The following LOXHD1 variants were observed in gnomAD, a reference collection of about 807,000 sequenced individuals.
LOXHD1 encodes lipoxygenase homology PLAT domains 1.
In LOXHD1, 205 loss-of-function variants were observed where a neutral mutation model predicts 248.2. That is an observed-to-expected ratio of 0.83 (90% CI 0.74 to 0.93). The LOEUF is 0.93. Among genes scored for constraint, LOXHD1 ranks in the 40% least tolerant of loss-of-function variants. The probability of loss-of-function intolerance (pLI) is 0.00; values close to 1 mark genes in which losing one functional copy is unlikely to be tolerated. For missense variants in LOXHD1, 2,930 were observed against 2,971.6 expected, an observed-to-expected ratio of 0.99 and a Z score of 0.33; for synonymous variants, 1,113 against 1,162.8, an observed-to-expected ratio of 0.96 and a Z score of 0.87.
intron 31 of LOXHD1, 67 bp downstream of exon 31, chr18:46,524,399 C>G (rs906913322): frequency 6.6e-7 from 1 of 1,519,552 alleles, no homozygotes; most frequent in African/African-American, 1.4e-5. Context: ...AATGGCTCAT[C>G]CAAGAATTGC....
chr18:46,586,603 G>A (rs1412178629), intron 12 of LOXHD1, among the ~76,000 whole-genome samples: 1 of 109,756 alleles, frequency 9.1e-6, no homozygotes, highest in Non-Finnish European at 2.0e-5. Context: ...CTGCGACCAT[G>A]CCTGGCTAAT....
chr18:46,597,204 A>G (rs573020538), intron 8 of LOXHD1, among the ~76,000 whole-genome samples: 37 of 152,356 alleles, frequency 2.4e-4, no homozygotes, highest in African/African-American at 8.7e-4. Context: ...AAAGATATCA[A>G]TTACATTTAG....
intron 6 of LOXHD1, 144 bp from the exon 7 acceptor site, chr18:46,604,373 G>T: frequency 9.0e-7 from 1 of 1,114,186 alleles, no homozygotes; most frequent in Non-Finnish European, 1.3e-6. Flanking sequence ...CTTATCACAA[G>T]GACACAACTG....
At chr18:46,629,968 C>T (rs1442843663) in intron 4 of LOXHD1, among the ~76,000 whole-genome samples, 2 of 152,118 alleles carry the variant, frequency 1.3e-5, no homozygotes, top group African/African-American at 4.8e-5. Context: ...ATCAGCCTCT[C>T]TTCTCTTTGA....
intron 6 of LOXHD1, among the ~76,000 whole-genome samples, chr18:46,607,184 A>G (rs143189868): frequency 1.3e-4 from 20 of 151,748 alleles, no homozygotes; most frequent in African/African-American, 3.1e-4. Flanking sequence ...AAAAAAAATT[A>G]TATTGTAAAA....
rs753288300 is a variant in LOXHD1, at chr18:46,650,377, A to G, written c.131-1108T>C. ...GGAGGGTGTTTTAAATATTTGGGGC[A>G]TATGATCTATGTCCACCACATCACT... On this transcript the variant is annotated intron_variant, in intron 1 of 40. Coordinates refer to ENST00000642948, the MANE Select transcript of LOXHD1 (RefSeq NM_001384474.1). 3.9e-5 allele frequency among the ~76,000 whole-genome samples: 6 copies of G among 152,330 alleles called. No individual in the cohort carries two copies. The East Asian group carries it at 7.7e-4, about 20-fold the overall frequency.
intron 16 of LOXHD1, among the ~76,000 whole-genome samples, chr18:46,569,098 G>A (rs989459436): frequency 1.5e-4 from 4 of 27,490 alleles, no homozygotes; most frequent in Admixed American, 1.4e-3. Flanking sequence ...CCTGCGTTCA[G>A]TCTCCTTCTC....
chr18:46,603,960 G>T, intron 7 of LOXHD1, 146 bp downstream of exon 7: 1 of 1,145,292 alleles, frequency 8.7e-7, no homozygotes, highest in Non-Finnish European at 1.2e-6. Context: ...CAGTGGGACA[G>T]AACAGTTTCA....
chr18:46,480,190 A>G (rs1045214176), intron 40 of LOXHD1, among the ~76,000 whole-genome samples: 1 of 152,144 alleles, frequency 6.6e-6, no homozygotes, highest in Non-Finnish European at 1.5e-5. Flanking sequence ...GATCATATAC[A>G]TACTTTTCTA....
In LOXHD1 at chr18:46,592,566, C is replaced by G; in HGVS notation, c.1450G>C (p.Gly484Arg). 6.4e-7 allele frequency: 1 copy of G among 1,551,574 alleles called. No homozygotes were observed. The highest frequency in any genetic ancestry group is 8.7e-7 in the Non-Finnish European group (1 of 1,146,910). ...CATACTCGAATCTTATAAAACCTGCCAAGATCCGGGAGCTCAATCTATGGT... is the reference window on the plus strand; with the variant it reads ...CATACTCGAATCTTATAAAACCTGCGAAGATCCGGGAGCTCAATCTATGGT... ...EKFRIELPDL[G>R]RFYKIRVWHD... is the part of the protein sequence containing the mutation. Residue 484 changes from glycine to arginine, a missense_variant, in exon 11 of 41, where the codon GGC (glycine) becomes CGC (arginine). By Grantham distance (125) the Gly-to-Arg change is moderately radical. Transcript: ENST00000642948.
rs916139061 is a variant in LOXHD1, at chr18:46,477,889, G to A, written c.6405C>T (p.Phe2135=). The A allele has an allele frequency of 3.9e-6, 6 of 1,551,596 alleles. No homozygotes were observed. In the African/African-American group the frequency reaches 4.1e-5, roughly 11 times the overall value. The change falls in exon 41 of 41, where the codon TTC becomes TTT. Residue 2135 remains phenylalanine, a synonymous_variant. Transcript: ENST00000642948. ...LKRKRKYFKV[F]EVTKTTESFA... ...AGCTCTCTGTCGTCTTGGTAACCTC[G>A]AATACCTTGAAGTACTTCCTCTTCC...
chr18:46,517,665 C>CT (rs2035331260), intron 34 of LOXHD1, among the ~76,000 whole-genome samples: 1 of 151,948 alleles, frequency 6.6e-6, no homozygotes, highest in South Asian at 2.1e-4. Context: ...GGTGTTCAGT[C>CT]TTTTTTTAAT....
intron 1 of LOXHD1, among the ~76,000 whole-genome samples, chr18:46,654,230 G>A (rs1443385628): frequency 1.3e-5 from 2 of 152,242 alleles, no homozygotes; most frequent in Admixed American, 6.5e-5. Context: ...AAAAAAATAT[G>A]TTCTTTATAA....
In LOXHD1 at chr18:46,639,773, A is replaced by T; in HGVS notation, c.354T>A (p.Asn118Lys). ...TCACATGGTCCAGGTACCAGCTGGC[A>T]TTCAAGCCCGTGTTGTCATGCTCAA... ...VRIEHDNTGL[N>K]ASWYLDHVIV... The change falls in exon 4 of 41, where the codon AAT becomes AAA. Residue 118 changes from asparagine to lysine, a missense_variant. Physicochemically the swap from Asn to Lys is moderately conservative, Grantham distance 94 (BLOSUM62 0). Coordinates refer to ENST00000642948, the MANE Select transcript of LOXHD1 (RefSeq NM_001384474.1). 1.3e-6 allele frequency: 2 copies of T among 1,551,734 alleles called. No homozygotes were observed. The highest frequency in any genetic ancestry group is 1.2e-5 in the South Asian group (1 of 84,060).
chr18:46,532,387 G>A (rs1304656546), intron 28 of LOXHD1, among the ~76,000 whole-genome samples: 1 of 152,224 alleles, frequency 6.6e-6, no homozygotes, highest in African/African-American at 2.4e-5. Context: ...TCTGGGAAAA[G>A]TGTGCGTGTG....
intron 29 of LOXHD1, among the ~76,000 whole-genome samples, chr18:46,527,911 G>A (rs1291980112): frequency 6.6e-6 from 1 of 152,176 alleles, no homozygotes; most frequent in African/African-American, 2.4e-5. Flanking sequence ...GTTTCTATCT[G>A]GTTGGTGAAG....
At chr18:46,616,525 G>A (rs553184084) in intron 5 of LOXHD1, among the ~76,000 whole-genome samples, 1 of 152,146 alleles carries the variant, frequency 6.6e-6, no homozygotes, top group Non-Finnish European at 1.5e-5. Context: ...TATAGTCAAT[G>A]CTTGCTTAGA....
chr18:46,566,519 TCCCCAAACACCAGCACAAAACACA>T (rs1485506926), intron 16 of LOXHD1, 70 bp from the exon 17 acceptor site: 3 of 1,342,158 alleles, frequency 2.2e-6, no homozygotes, highest in African/African-American at 1.4e-5. Context: ...CATCCCTACC[TCCCCAAACACCAGCACAAAACACA>T]ACCCAGGTCT....
At chr18:46,491,125 AC>A (rs2033443295) in intron 37 of LOXHD1, among the ~76,000 whole-genome samples, 1 of 152,218 alleles carries the variant, frequency 6.6e-6, no homozygotes, top group African/African-American at 2.4e-5. Context: ...GGTGGAAGAG[AC>A]TTTTTGTCCT....
Sources: gnomAD v4.1 joint callset for allele counts (sites outside exome capture counted in the v4.1 genomes callset) on GRCh38, gnomAD v4.1.1 for gene constraint, MANE v1.5 for transcripts, NCBI Gene and HGNC (gene_info 2026-07-23, HGNC 2026-07-21) for gene names.